The following FUT8 variants were observed in gnomAD, a reference collection of about 807,000 sequenced individuals.
FUT8 encodes fucosyltransferase 8.
Under a neutral mutation model 71.3 loss-of-function variants are expected in FUT8, and 29 were observed. The observed-to-expected ratio is 0.41, with a 90% CI of 0.30 to 0.55. The LOEUF is 0.55. Among genes scored for constraint, FUT8 ranks in the 20% least tolerant of loss-of-function variants. The pLI, the probability that FUT8 is intolerant of heterozygous loss-of-function variation, is 0.34. For synonymous variants in FUT8, 254 were observed against 239.3 expected, an observed-to-expected ratio of 1.06 and a Z score of -0.57; for missense variants, 544 against 702.1, an observed-to-expected ratio of 0.77 and a Z score of 2.55.
chr14:65,378,987 C>T, the FUT8 span, among the ~76,000 whole-genome samples: 4 of 151,588 alleles, frequency 2.6e-5, no homozygotes, highest in Admixed American at 6.6e-5. Context: ...GCTGGGATTA[C>T]AGGCACATTC....
At chr14:65,378,452 A>G in the FUT8 span, among the ~76,000 whole-genome samples, 1 of 152,152 alleles carries the variant, frequency 6.6e-6, no homozygotes, top group South Asian at 2.1e-4. Flanking sequence ...TTTGTTTTGT[A>G]TCTACCTGCC....
At chr14:65,682,618 C>T (rs1301183131) in intron 7 of FUT8, among the ~76,000 whole-genome samples, 2 of 152,154 alleles carry the variant, frequency 1.3e-5, no homozygotes, top group East Asian at 3.9e-4. Flanking sequence ...GACCAGACAT[C>T]TTAGGTATAG....
intron 9 of FUT8, among the ~76,000 whole-genome samples, chr14:65,730,997 T>G (rs911599881): frequency 3.3e-5 from 5 of 152,214 alleles, no homozygotes; most frequent in Admixed American, 6.5e-5. Flanking sequence ...TTGAAATGAA[T>G]AGAGACAAGA....
chr14:65,594,250 A>G (rs1190466218), intron 3 of FUT8, among the ~76,000 whole-genome samples: 1 of 152,194 alleles, frequency 6.6e-6, no homozygotes, highest in Non-Finnish European at 1.5e-5. Flanking sequence ...GGGGCCCGGC[A>G]GTTTACTTGG....
chr14:65,578,166 C>G (rs1372692154), intron 3 of FUT8, among the ~76,000 whole-genome samples: 1 of 151,916 alleles, frequency 6.6e-6, no homozygotes, highest in Non-Finnish European at 1.5e-5. Flanking sequence ...AATAGTTGAG[C>G]TGAGGGACTT....
intron 3 of FUT8, among the ~76,000 whole-genome samples, chr14:65,571,467 G>A (rs1482292022): frequency 6.6e-6 from 1 of 152,144 alleles, no homozygotes; most frequent in Admixed American, 6.6e-5. Context: ...AGAAGGAAGT[G>A]TGGGAACAGC....
chr14:65,718,180 A>T (rs1895219397), intron 7 of FUT8, among the ~76,000 whole-genome samples: 1 of 148,356 alleles, frequency 6.7e-6, no homozygotes, highest in East Asian at 2.0e-4. Context: ...AGTGAAGGTG[A>T]TTTTCTCTGG....
intron 5 of FUT8, among the ~76,000 whole-genome samples, chr14:65,617,597 T>C (rs1172400637): frequency 1.3e-5 from 2 of 152,322 alleles, no homozygotes; most frequent in East Asian, 3.9e-4. Context: ...GACTATGCTG[T>C]ATGTAAAGGA....
At chr14:65,404,634 C>T in the FUT8 span, among the ~76,000 whole-genome samples, 1 of 152,084 alleles carries the variant, frequency 6.6e-6, no homozygotes, top group African/African-American at 2.4e-5. Context: ...GCCACCACAC[C>T]CAGCTAATTT....
rs112404723 is a variant in FUT8, at chr14:65,611,197, ACG to A, written c.204-4755_204-4754del. Among the ~76,000 whole-genome samples the A allele has an allele frequency of 9.6e-4, 59 of 61,370 alleles. 4 individuals carry two copies. Among genetic ancestry groups the A allele is most frequent in the African/African-American group, 3.7e-3 (50 of 13,586 alleles). 40.3% of individuals were successfully genotyped at this position (61,370 alleles called of 152,430 possible). A position where few individuals can be genotyped will look rare whatever the true frequency, so the allele number is the denominator to read the frequency against. On this transcript the variant is annotated intron_variant, in intron 3 of 10. Transcript: ENST00000673929. ...TTTTAAGTGTCATACACACACACAC[ACG>A]CGCGCGCGCGCGCGCGCGCGCGCGC...
At chr14:65,676,168 A>C (rs1309133691) in intron 7 of FUT8, among the ~76,000 whole-genome samples, 2 of 152,212 alleles carry the variant, frequency 1.3e-5, no homozygotes, top group African/African-American at 4.8e-5. Flanking sequence ...TAAGCAATTT[A>C]TTCTCCCCTT....
chr14:65,561,533 G>A lies in FUT8; in HGVS notation c.-31G>A. On this transcript the variant is annotated 5_prime_UTR_variant, in exon 3 of 11. Coordinates refer to ENST00000673929, the MANE Select transcript of FUT8 (RefSeq NM_001371533.1). Reference sequence around the variant, plus strand: ...ATGTTTTCAATTCTTTGAGCTCCAGGACTCCAGGGAAGTGAGTTGAAAATC... The same window carrying A: ...ATGTTTTCAATTCTTTGAGCTCCAGAACTCCAGGGAAGTGAGTTGAAAATC... The A allele has an allele frequency of 6.2e-7, 1 of 1,601,468 alleles. No homozygotes were observed. Among genetic ancestry groups the A allele is most frequent in the Non-Finnish European group, 8.6e-7 (1 of 1,169,506 alleles).
the FUT8 span, among the ~76,000 whole-genome samples, chr14:65,361,603 CA>C: frequency 6.6e-6 from 1 of 152,026 alleles, no homozygotes; most frequent in East Asian, 1.9e-4. Context: ...GCCTGGCCAA[CA>C]TGGCGAAACC....
At chr14:65,390,092 C>T in the FUT8 span, among the ~76,000 whole-genome samples, 2 of 150,690 alleles carry the variant, frequency 1.3e-5, no homozygotes, top group African/African-American at 2.4e-5. Context: ...CAGGAAGCCA[C>T]GATCACACAC....
chr14:65,661,462 A>T (rs998287138), intron 6 of FUT8, among the ~76,000 whole-genome samples: 1 of 152,168 alleles, frequency 6.6e-6, no homozygotes, highest in African/African-American at 2.4e-5. Flanking sequence ...TGGAGATATT[A>T]TGTCCAGTTT....
intron 7 of FUT8, among the ~76,000 whole-genome samples, chr14:65,695,672 T>C (rs1015147311): frequency 1.3e-5 from 2 of 152,100 alleles, no homozygotes; most frequent in Non-Finnish European, 2.9e-5. Flanking sequence ...TGGTCTTCTT[T>C]TTTTTTTAAA....
chr14:65,688,811 C>A (rs1893432001), intron 7 of FUT8, among the ~76,000 whole-genome samples: 3 of 152,154 alleles, frequency 2.0e-5, no homozygotes, highest in Non-Finnish European at 4.4e-5. Context: ...GGCTGTCTAT[C>A]TAGGCTGTTA....
chr14:65,691,254 T>C (rs1050452437), intron 7 of FUT8, among the ~76,000 whole-genome samples: 3 of 151,216 alleles, frequency 2.0e-5, no homozygotes, highest in Non-Finnish European at 4.4e-5. Flanking sequence ...TCTTATTCCA[T>C]TGACTTCTGC....
intron 2 of FUT8, chr14:65,488,175 A>C (rs1429471543): frequency 6.6e-6 from 1 of 152,226 alleles, no homozygotes; most frequent in Non-Finnish European, 1.5e-5. Context: ...AGGAAACAGT[A>C]ATATATGATA....
Sources: allele counts gnomAD v4.1 joint callset (sites outside exome capture counted in the v4.1 genomes callset), GRCh38; gene constraint gnomAD v4.1.1; transcripts MANE v1.5; gene names NCBI Gene and HGNC (gene_info 2026-07-23, HGNC 2026-07-21).